SENP6: variants seen among roughly 807,000 people sequenced by gnomAD.
The protein encoded by SENP6 is sentrin-specific protease 6.
SENP6 carries 41 observed loss-of-function variants against 134.5 expected under a neutral mutation model. The observed-to-expected ratio is 0.30, with a 90% CI of 0.24 to 0.40. SENP6 has a LOEUF of 0.40. Among genes scored for constraint, SENP6 ranks in the 10% least tolerant of loss-of-function variants. The pLI is 1.00. For synonymous variants in SENP6, 395 were observed against 429.8 expected (o/e 0.92, Z 1.00); for missense variants, 1,248 against 1,312.5 (o/e 0.95, Z 0.76).
chr6:75,666,811 C>T lies in SENP6; in HGVS notation c.1094C>T (p.Pro365Leu). 1 of 1,613,684 alleles carries T rather than the reference C, an allele frequency of 6.2e-7. No individual in the cohort carries two copies. The highest frequency in any genetic ancestry group is 8.5e-7 in the Non-Finnish European group (1 of 1,179,624). The change falls in exon 10 of 24, where the codon CCA (proline) becomes CTA (leucine). Residue 365 changes from proline to leucine, a missense_variant. Pro to Leu is a moderately conservative substitution (Grantham distance 98). Around this residue, in one of 3 missense-constraint regions of SENP6, gnomAD observed 733 missense variants for 725.4 expected, o/e 1.01. Transcript: ENST00000447266. ...GATTCAGCATGTTCTTCCCCTGCAC[C>T]ATCCACTGGAAAAGTAGAAGCAGCG... The part of the protein sequence containing the change: ...PADSACSSPA[P>L]STGKVEAALN...
At chr6:75,640,804 TA>T in intron 6 of SENP6, 100 bp downstream of exon 6, 3 of 679,796 alleles carry the variant, frequency 4.4e-6, no homozygotes, top group Non-Finnish European at 6.9e-6. Context: ...AGTTTATAAT[TA>T]AAGCTTTTTT....
chr6:75,670,078 C>T (rs911320025), intron 10 of SENP6, among the ~76,000 whole-genome samples: 8 of 151,968 alleles, frequency 5.3e-5, no homozygotes, highest in Admixed American at 2.0e-4. Context: ...CCTGAGTAGC[C>T]GGGATTACAG....
At chr6:75,710,606 A>C (rs992311324) in intron 20 of SENP6, among the ~76,000 whole-genome samples, 12 of 152,196 alleles carry the variant, frequency 7.9e-5, no homozygotes, top group African/African-American at 2.9e-4. Context: ...CATATATAGG[A>C]ATTACATTCA....
chr6:75,692,722 C>T (rs1450072948), intron 16 of SENP6, among the ~76,000 whole-genome samples: 1 of 151,936 alleles, frequency 6.6e-6, no homozygotes, highest in African/African-American at 2.4e-5. Context: ...CCCTCGCCCC[C>T]CATCCTCCCC....
intron 1 of SENP6, among the ~76,000 whole-genome samples, chr6:75,605,802 A>T (rs1356114948): frequency 2.0e-5 from 3 of 151,958 alleles, no homozygotes; most frequent in Non-Finnish European, 2.9e-5. Context: ...TTTAAAAAAA[A>T]GTTTGGCTGC....
intron 16 of SENP6, among the ~76,000 whole-genome samples, chr6:75,692,149 C>T (rs571730267): frequency 1.2e-4 from 18 of 152,294 alleles, no homozygotes; most frequent in African/African-American, 4.3e-4. Flanking sequence ...AGCCACCGCG[C>T]CTGGCCTCCC....
chr6:75,671,543 A>G (rs1772677903), intron 11 of SENP6, among the ~76,000 whole-genome samples: 1 of 152,166 alleles, frequency 6.6e-6, no homozygotes, highest in Non-Finnish European at 1.5e-5. Context: ...CTAATATGCT[A>G]AAACCCCATC....
chr6:75,669,240 T>C (rs916999858), intron 10 of SENP6, among the ~76,000 whole-genome samples: 5 of 152,090 alleles, frequency 3.3e-5, no homozygotes, highest in Admixed American at 1.3e-4. Flanking sequence ...TAATCCCAGC[T>C]ACTTGGGAGG....
chr6:75,682,929 G>C lies in SENP6; in HGVS notation c.2075+4002G>C, dbSNP rs1397129982. The stretch of plus-strand genomic sequence containing the variant: ...CCTTTGGGTATATACCAGGTAATGG[G>C]ATTGCTGGGTCAAATGGTAATTCTA... On this transcript the variant is annotated intron_variant, in intron 16 of 23. Coordinates refer to ENST00000447266, the MANE Select transcript of SENP6 (RefSeq NM_015571.4). 2.6e-5 allele frequency among the ~76,000 whole-genome samples: 4 copies of C among 152,266 alleles called. No homozygotes were observed. In the East Asian group the frequency reaches 7.7e-4, roughly 29 times the overall value.
chr6:75,615,122 C>G (rs1767754920), intron 1 of SENP6, among the ~76,000 whole-genome samples: 1 of 152,046 alleles, frequency 6.6e-6, no homozygotes, highest in African/African-American at 2.4e-5. Context: ...AATGCCTGAC[C>G]TCAAGTGATT....
At chr6:75,642,042 T>G (rs139181124) in intron 6 of SENP6, among the ~76,000 whole-genome samples, 1 of 152,376 alleles carries the variant, frequency 6.6e-6, no homozygotes, top group East Asian at 1.9e-4. Flanking sequence ...TGCTTCAGTT[T>G]TGACAGCATT....
chr6:75,697,611 A>G (rs1774744227), intron 18 of SENP6, 94 bp downstream of exon 18: 1 of 818,356 alleles, frequency 1.2e-6, no homozygotes, highest in Non-Finnish European at 2.0e-6. Context: ...TTCATTTTAA[A>G]ACATCTTTCT....
At chr6:75,685,549 C>CT (rs35668970) in intron 16 of SENP6, among the ~76,000 whole-genome samples, 3 of 152,162 alleles carry the variant, frequency 2.0e-5, no homozygotes, top group African/African-American at 7.2e-5. Flanking sequence ...CTACGCACTG[C>CT]TTTAAATTAA....
intron 8 of SENP6, among the ~76,000 whole-genome samples, chr6:75,662,752 G>GT (rs1167755244): frequency 6.6e-6 from 1 of 152,064 alleles, no homozygotes; most frequent in Non-Finnish European, 1.5e-5. Flanking sequence ...GTAGGAATGT[G>GT]TTTTTTCTGT....
At position 75,697,468 on chromosome 6, in the gene SENP6, C is replaced by A; in HGVS notation, c.2239C>A (p.His747Asn). 6.2e-7 allele frequency: 1 copy of A among 1,613,390 alleles called. No homozygotes were observed. Among genetic ancestry groups the A allele is most frequent in the South Asian group, 1.1e-5 (1 of 90,998 alleles). Residue 747 changes from histidine (H) to asparagine (N), a missense_variant, in exon 18 of 24, where the codon CAC (histidine) becomes AAC (asparagine). His to Asn is a moderately conservative substitution (Grantham distance 68). Around this residue, in one of 3 missense-constraint regions of SENP6, gnomAD observed 129 missense variants for 192.0 expected, o/e 0.67. Coordinates refer to ENST00000447266, the MANE Select transcript of SENP6 (RefSeq NM_015571.4). ...RHGRVKTWTR[H>N]VDIFEKDFIF... The stretch of plus-strand genomic sequence containing the variant: ...TGGGAGAGTAAAAACATGGACCCGG[C>A]ACGTAGATATTTTTGAGAAGGATTT...
chr6:75,609,854 A>G (rs556896868), intron 1 of SENP6, among the ~76,000 whole-genome samples: 29 of 152,152 alleles, frequency 1.9e-4, no homozygotes, highest in Non-Finnish European at 4.0e-4. Flanking sequence ...ATCTCAGCTC[A>G]CTGGCTGACT....
intron 16 of SENP6, among the ~76,000 whole-genome samples, chr6:75,691,725 G>C (rs1774286507): frequency 6.6e-6 from 1 of 152,108 alleles, no homozygotes; most frequent in South Asian, 2.1e-4. Flanking sequence ...CTCCCGAGTA[G>C]CTGGGACCAC....
chr6:75,670,268 G>A (rs996567034), intron 10 of SENP6, among the ~76,000 whole-genome samples: 2 of 152,082 alleles, frequency 1.3e-5, no homozygotes, highest in African/African-American at 4.8e-5. Flanking sequence ...TTTAAAAGGT[G>A]GTGTGGCTGT....
At chr6:75,627,877 C>T (rs1768818369) in intron 3 of SENP6, among the ~76,000 whole-genome samples, 1 of 151,990 alleles carries the variant, frequency 6.6e-6, no homozygotes, top group South Asian at 2.1e-4. Flanking sequence ...CGGGGTTTCA[C>T]CATGTGAGGC....
Sources: allele counts gnomAD v4.1 joint callset (sites outside exome capture counted in the v4.1 genomes callset), GRCh38; gene constraint gnomAD v4.1.1; regional missense constraint gnomAD v4.1.1; transcripts MANE v1.5; gene names NCBI Gene and HGNC (gene_info 2026-07-23, HGNC 2026-07-21).